Variants in LYPD1 observed in about 807,000 individuals in gnomAD.
LYPD1 encodes the protein ly6/PLAUR domain-containing protein 1.
A neutral mutation model predicts 14.2 loss-of-function variants in LYPD1; 14 were observed. That is an observed-to-expected ratio of 0.99 (90% CI 0.65 to 1.54). The LOEUF (loss-of-function observed/expected upper bound fraction) is 1.54. LYPD1 is among the 40% of genes most tolerant of loss of function. The pLI, the probability that LYPD1 is intolerant of heterozygous loss-of-function variation, is 0.00. For missense variants in LYPD1, 165 were observed against 175.7 expected, an observed-to-expected ratio of 0.94 and a Z score of 0.34; for synonymous variants, 85 against 70.6, an observed-to-expected ratio of 1.20 and a Z score of -1.02.
At chr2:132,657,335 A>G (rs1010763754) in intron 2 of LYPD1, among the ~76,000 whole-genome samples, 8 of 152,108 alleles carry the variant, frequency 5.3e-5, no homozygotes, top group South Asian at 4.1e-4. Flanking sequence ...TGGGGGATTG[A>G]GGGAACAGAT....
rs1292171856 is a variant in LYPD1, at chr2:132,645,615, C to G, written c.*430G>C. Reference sequence around the variant, plus strand: ...AGGAGCATGAAGTTTGAATGTCAAGCGAGGGAGCCTTGAGTGGGAACTGGC... The same window carrying G: ...AGGAGCATGAAGTTTGAATGTCAAGGGAGGGAGCCTTGAGTGGGAACTGGC... On this transcript the variant is annotated 3_prime_UTR_variant, in exon 3 of 3. Transcript: ENST00000397463. 2 of 1,604,768 alleles carry G rather than the reference C, an allele frequency of 1.2e-6. No homozygotes were observed. The highest frequency in any genetic ancestry group is 2.2e-5 in the South Asian group (2 of 89,724).
rs944688999 is a variant in LYPD1 at position 132,645,689 on chromosome 2, G to T, written c.*356C>A. 7.3e-6 allele frequency: 11 copies of T among 1,512,836 alleles called. No homozygotes were observed. Among genetic ancestry groups the T allele is most frequent in the Admixed American group, 2.1e-5 (1 of 47,286 alleles). The allele number at this position is 1,512,836 out of a possible 1,614,324, so 93.7% of individuals were successfully genotyped here. A position where few individuals can be genotyped will look rare whatever the true frequency, so the allele number is the denominator to read the frequency against. On this transcript the variant is annotated 3_prime_UTR_variant, in exon 3 of 3. Transcript: ENST00000397463. Reference sequence around the variant, plus strand: ...CTCTCACTCTGCAGTCTCAAACTATGCCCCCATCAGGGATGGAATGGACAC... The same window carrying T: ...CTCTCACTCTGCAGTCTCAAACTATTCCCCCATCAGGGATGGAATGGACAC...
At position 132,663,810 on chromosome 2, in the gene LYPD1, T is replaced by C. The variant is rs182511137; in HGVS notation, c.190+4590A>G. 5.7e-3 allele frequency among the ~76,000 whole-genome samples: 875 copies of C among 152,212 alleles called. 8 individuals are homozygous for C. Among genetic ancestry groups the C allele is most frequent in the Admixed American group, 9.3e-3 (142 of 15,282 alleles). ...GGACAAATGGAGGACGCTGGAAGAT[T>C]AGCAGAGACCCCTGCTACTTCTAAC... On this transcript the variant is annotated intron_variant, in intron 2 of 2. Transcript: ENST00000397463.
chr2:132,646,922 G>T (rs1331712003), intron 2 of LYPD1, among the ~76,000 whole-genome samples: 1 of 152,106 alleles, frequency 6.6e-6, no homozygotes, highest in Non-Finnish European at 1.5e-5. Flanking sequence ...CCAGTACCAC[G>T]CAGCTAGCAC....
rs1025900904 is a variant in LYPD1 at position 132,644,949 on chromosome 2, C to T, written c.*1096G>A. ...TCTCTCTTGCTTGTGGCAAAAGAAG[C>T]TGTCAAGTCCAACACTGAAAAATTG... On this transcript the variant is annotated 3_prime_UTR_variant, in exon 3 of 3. Coordinates refer to ENST00000397463, the MANE Select transcript of LYPD1 (RefSeq NM_144586.7). 10 of 803,494 alleles carry T rather than the reference C, an allele frequency of 1.2e-5. No individual in the cohort carries two copies. In the African/African-American group the frequency reaches 1.7e-4, roughly 14 times the overall value. The allele number at this position is 803,494 out of a possible 1,614,324, so 49.8% of individuals were successfully genotyped here. A position where few individuals can be genotyped will look rare whatever the true frequency, so the allele number is the denominator to read the frequency against.
chr2:132,663,082 C>T (rs546852900), intron 2 of LYPD1: 11 of 152,194 alleles, frequency 7.2e-5, no homozygotes, highest in Non-Finnish European at 1.0e-4. Context: ...TGTCTCATCT[C>T]GAAGAGCAAG....
intron 2 of LYPD1, among the ~76,000 whole-genome samples, chr2:132,664,947 A>AT (rs998828989): frequency 5.3e-5 from 8 of 152,268 alleles, no homozygotes; most frequent in Non-Finnish European, 1.5e-5. Flanking sequence ...ACACCAACTC[A>AT]TTAAGTGCAG....
At chr2:132,661,185 A>C (rs916399954) in intron 2 of LYPD1, among the ~76,000 whole-genome samples, 5 of 152,206 alleles carry the variant, frequency 3.3e-5, no homozygotes, top group Admixed American at 2.6e-4. Flanking sequence ...CAGGGGCCTC[A>C]GGAATAGCCC....
chr2:132,666,444 G>A (rs1259575418), intron 2 of LYPD1, among the ~76,000 whole-genome samples: 6 of 152,044 alleles, frequency 3.9e-5, no homozygotes, highest in Admixed American at 6.5e-5. Flanking sequence ...TGAGTTCATC[G>A]ACTGCTTCTG....
chr2:132,645,526 C>T lies in LYPD1; in HGVS notation c.*519G>A, dbSNP rs1426988012. 1.2e-6 allele frequency: 2 copies of T among 1,614,198 alleles called. No individual in the cohort carries two copies. Among genetic ancestry groups the T allele is most frequent in the East Asian group, 2.2e-5 (1 of 44,860 alleles). ...CCAGTCTAAGTCCCAGTCATTGAGT[C>T]TCGAGTCACTAGAGCCCAACTCAGG... On this transcript the variant is annotated 3_prime_UTR_variant, in exon 3 of 3. Coordinates refer to ENST00000397463, the MANE Select transcript of LYPD1 (RefSeq NM_144586.7).
At position 132,668,527 on chromosome 2, in the gene LYPD1, C is replaced by T; in HGVS notation, c.63G>A (p.Leu21=). The change falls in exon 2 of 3, where the codon CTG becomes CTA. Residue 21 remains leucine (L), a synonymous_variant. Coordinates refer to ENST00000397463, the MANE Select transcript of LYPD1 (RefSeq NM_144586.7). ...CGLFLLPGFA[L]QIQCYQCEEF... ...CTTCACACTGGTAGCACTGGATTTG[C>T]AGCGCAAAGCCTGCGAGACAGACGC... The T allele has an allele frequency of 6.2e-7, 1 of 1,612,080 alleles. No homozygotes were observed.
At position 132,644,964 on chromosome 2, in the gene LYPD1, C is replaced by G; in HGVS notation, c.*1081G>C. The G allele has an allele frequency of 1.0e-6, 1 of 985,660 alleles. No individual in the cohort carries two copies. Among genetic ancestry groups the G allele is most frequent in the Non-Finnish European group, 1.5e-6 (1 of 683,612 alleles). 61.1% of individuals were successfully genotyped at this position (985,660 alleles called of 1,614,324 possible). On this transcript the variant is annotated 3_prime_UTR_variant, in exon 3 of 3. Transcript: ENST00000397463. ...GCAAAAGAAGCTGTCAAGTCCAACACTGAAAAATTGGTACCATTTCCTGGC... is the reference window on the plus strand; with the variant it reads ...GCAAAAGAAGCTGTCAAGTCCAACAGTGAAAAATTGGTACCATTTCCTGGC...
intron 2 of LYPD1, among the ~76,000 whole-genome samples, chr2:132,647,021 G>A (rs1682133091): frequency 6.6e-6 from 1 of 152,242 alleles, no homozygotes; most frequent in Non-Finnish European, 1.5e-5. Context: ...TCAAGCTGCA[G>A]TATAGTCAGT....
At chr2:132,655,053 C>G (rs1431293897) in intron 2 of LYPD1, among the ~76,000 whole-genome samples, 1 of 152,156 alleles carries the variant, frequency 6.6e-6, no homozygotes, top group African/African-American at 2.4e-5. Flanking sequence ...TTTTAATTCT[C>G]TCTGCCCTAA....
chr2:132,670,315 A>G (rs570128309), upstream of LYPD1: 68 of 276,190 alleles, frequency 2.5e-4, no homozygotes, highest in Non-Finnish European at 3.9e-4. The surrounding 1 kb of genome is among the most constrained non-coding windows in gnomAD (Gnocchi z 4.5). Flanking sequence ...CGGGCGGGGA[A>G]GGCTGGGACG....
rs777909907 is a variant in LYPD1 at position 132,645,402 on chromosome 2, C to G, written c.*643G>C. 1 of 1,613,704 alleles carries G rather than the reference C, an allele frequency of 6.2e-7. No individual in the cohort carries two copies. Among genetic ancestry groups the G allele is most frequent in the South Asian group, 1.1e-5 (1 of 91,066 alleles). On this transcript the variant is annotated 3_prime_UTR_variant, in exon 3 of 3. Transcript: ENST00000397463. ...CGCACTCCACCACCGACAGCGCCCGCTTTGTGCAGCGCCCGTTGCTCTTCG... is the reference window on the plus strand; with the variant it reads ...CGCACTCCACCACCGACAGCGCCCGGTTTGTGCAGCGCCCGTTGCTCTTCG...
intron 2 of LYPD1, among the ~76,000 whole-genome samples, chr2:132,663,979 G>A (rs1043729551): frequency 2.0e-5 from 3 of 152,152 alleles, no homozygotes; most frequent in African/African-American, 7.2e-5. Flanking sequence ...CATTGCATAT[G>A]TGGGTATATG....
In LYPD1 at chr2:132,668,380, G is replaced by T. The variant is rs757520076; in HGVS notation, c.190+20C>A. On this transcript the variant is annotated intron_variant, in intron 2 of 2. Coordinates refer to ENST00000397463, the MANE Select transcript of LYPD1 (RefSeq NM_144586.7). ...ACAGCCCAGGCTTAAGAGCGAGGGG[G>T]AGGGCTGCCAGGCTCTTACCGGCAC... 36 of 1,596,114 alleles carry T rather than the reference G, an allele frequency of 2.3e-5. No individual in the cohort carries two copies. The Admixed American group carries it at 6.2e-4, about 28-fold the overall frequency.
intron 2 of LYPD1, among the ~76,000 whole-genome samples, chr2:132,664,326 G>A (rs75635246): frequency 6.6e-6 from 1 of 152,210 alleles, no homozygotes; most frequent in African/African-American, 2.4e-5. Context: ...GCATTTTTGC[G>A]ACATCTAGTC....
Sources: allele counts gnomAD v4.1 joint callset (sites outside exome capture counted in the v4.1 genomes callset), GRCh38; gene constraint gnomAD v4.1.1; non-coding constraint Gnocchi (gnomAD v3.1); transcripts MANE v1.5; gene names NCBI Gene and HGNC (gene_info 2026-07-23, HGNC 2026-07-21).